The following ZNF516 variants were observed in gnomAD, a reference collection of about 807,000 sequenced individuals.
ZNF516 encodes the protein zinc finger protein 516.
Under a neutral mutation model 79.7 loss-of-function variants are expected in ZNF516, and 19 were observed. That is an observed-to-expected ratio of 0.24 (90% CI 0.17 to 0.35). ZNF516 has a LOEUF of 0.35. Ranked by LOEUF, ZNF516 falls within the 10% of genes least tolerant of loss-of-function variation. The pLI, the probability that ZNF516 is intolerant of heterozygous loss-of-function variation, is 1.00. For missense variants in ZNF516, 1,678 were observed against 1,679.5 expected, an observed-to-expected ratio of 1.00 and a Z score of 0.02; for synonymous variants, 877 against 739.5, an observed-to-expected ratio of 1.19 and a Z score of -3.02.
Position 76,359,954 on chromosome 18 carries a change from C to T in ZNF516, c.*2544G>A, listed in dbSNP as rs1162308481. The T allele has an allele frequency of 1.3e-5, 2 of 152,216 alleles. No homozygotes were observed. Among genetic ancestry groups the T allele is most frequent in the Non-Finnish European group, 2.9e-5 (2 of 68,046 alleles). The allele number at this position is 152,216 out of a possible 1,614,324, so 9.4% of individuals were successfully genotyped here. On this transcript the variant is annotated 3_prime_UTR_variant, in exon 7 of 7. Coordinates refer to ENST00000443185, the MANE Select transcript of ZNF516 (RefSeq NM_014643.4). The stretch of plus-strand genomic sequence containing the variant: ...CTGACGATGGGTGGAAGGAAGGGAC[C>T]ACACATCCAGGCCTGCCCACAGCTG...
At chr18:76,457,169 A>C (rs147369886) in intron 2 of ZNF516, among the ~76,000 whole-genome samples, 2 of 152,260 alleles carry the variant, frequency 1.3e-5, no homozygotes, top group East Asian at 3.9e-4. Context: ...TGTGGCAAAG[A>C]AAATGATCTA....
chr18:76,456,351 G>A (rs1308187503), intron 2 of ZNF516, among the ~76,000 whole-genome samples: 24 of 152,318 alleles, frequency 1.6e-4, no homozygotes. Context: ...TGGAGACCTT[G>A]CTCAACTAAA....
At chr18:76,367,538 C>T (rs954935543) in intron 6 of ZNF516, among the ~76,000 whole-genome samples, 1 of 152,180 alleles carries the variant, frequency 6.6e-6, no homozygotes, top group East Asian at 1.9e-4. Context: ...CGTGAGCTGA[C>T]CCCCACCCAG....
At chr18:76,437,441 A>T (rs1327862411) in intron 3 of ZNF516, among the ~76,000 whole-genome samples, 1 of 100,734 alleles carries the variant, frequency 9.9e-6, no homozygotes, top group East Asian at 2.7e-4. Flanking sequence ...TCCCTTGACC[A>T]TATTTTTTTT....
At chr18:76,457,968 A>G (rs1023457861) in intron 2 of ZNF516, among the ~76,000 whole-genome samples, 7 of 152,202 alleles carry the variant, frequency 4.6e-5, no homozygotes, top group African/African-American at 1.7e-4. Context: ...TCTCACCTTC[A>G]AGGCCCAATG....
At chr18:76,399,437 AT>A (rs2075188879) in intron 3 of ZNF516, among the ~76,000 whole-genome samples, 1 of 152,242 alleles carries the variant, frequency 6.6e-6, no homozygotes, top group South Asian at 2.1e-4. Flanking sequence ...GTCCATGAAC[AT>A]TACATGTGGG....
Position 76,361,019 on chromosome 18 carries a change from A to G in ZNF516, c.*1479T>C, listed in dbSNP as rs776024626. The G allele has an allele frequency of 6.6e-6, 1 of 151,952 alleles. No homozygotes were observed. The highest frequency in any genetic ancestry group is 1.5e-5 in the Non-Finnish European group (1 of 67,972). 9.4% of individuals were successfully genotyped at this position (151,952 alleles called of 1,614,324 possible). Reference sequence around the variant, plus strand: ...TTAAAGGTTAGGATAATTTCTGTACATGTAAAATTATTGCTTTTTTGAAAA... The same window carrying G: ...TTAAAGGTTAGGATAATTTCTGTACGTGTAAAATTATTGCTTTTTTGAAAA... On this transcript the variant is annotated 3_prime_UTR_variant, in exon 7 of 7. Transcript: ENST00000443185.
At position 76,362,039 on chromosome 18, in the gene ZNF516, GACATCATCCCCACAGTCCCTCTTA is replaced by G. The variant is rs1398579735; in HGVS notation, c.*435_*458del. The G allele has an allele frequency of 1.9e-5, 3 of 155,170 alleles. No individual in the cohort carries two copies. Among genetic ancestry groups the G allele is most frequent in the Admixed American group, 1.3e-4 (2 of 15,654 alleles). 9.6% of individuals were successfully genotyped at this position (155,170 alleles called of 1,614,324 possible). A position where few individuals can be genotyped will look rare whatever the true frequency, so the allele number is the denominator to read the frequency against. On this transcript the variant is annotated 3_prime_UTR_variant, in exon 7 of 7. Transcript: ENST00000443185. ...CCTCAAATCCACCACGTCTTGTTCTGACATCATCCCCACAGTCCCTCTTAACATGGGAGGCCCCTGTGACAGTGC... is the reference window on the plus strand; with the variant it reads ...CCTCAAATCCACCACGTCTTGTTCTGACATGGGAGGCCCCTGTGACAGTGC...
At chr18:76,408,861 G>C (rs1348113622) in intron 3 of ZNF516, among the ~76,000 whole-genome samples, 1 of 152,220 alleles carries the variant, frequency 6.6e-6, no homozygotes, top group African/African-American at 2.4e-5. Context: ...CTGACACTGT[G>C]AAGTGAAGCT....
rs373540251 is a variant in ZNF516 at position 76,360,646 on chromosome 18, A to AAATATATATAT, written c.*1851_*1852insATATATATATT. ...AAAAAAATAAGTAAAAAAAAAAAAA[A>AAATATATATAT]ATATATATATATATATATATATATA... On this transcript the variant is annotated 3_prime_UTR_variant, in exon 7 of 7. Transcript: ENST00000443185. 9 of 72,464 alleles carry AAATATATATAT rather than the reference A, an allele frequency of 1.2e-4. No homozygotes were observed. The highest frequency in any genetic ancestry group is 3.7e-4 in the African/African-American group (6 of 16,376). The allele number at this position is 72,464 out of a possible 1,614,324, so 4.5% of individuals were successfully genotyped here.
intron 2 of ZNF516, among the ~76,000 whole-genome samples, chr18:76,454,608 A>G (rs1204182775): frequency 6.6e-6 from 1 of 152,234 alleles, no homozygotes; most frequent in East Asian, 1.9e-4. Flanking sequence ...GATCTATCAG[A>G]GAATGTTTAC....
At chr18:76,453,778 T>G (rs1247275704) in intron 2 of ZNF516, among the ~76,000 whole-genome samples, 1 of 152,224 alleles carries the variant, frequency 6.6e-6, no homozygotes, top group East Asian at 1.9e-4. Flanking sequence ...ATTTTTTAAC[T>G]GGGTGACACT....
intron 3 of ZNF516, among the ~76,000 whole-genome samples, chr18:76,432,919 G>A (rs887367679): frequency 6.6e-5 from 10 of 152,192 alleles, no homozygotes; most frequent in South Asian, 2.1e-4. Context: ...GCTCTAACAC[G>A]AGGCGTGTAG....
At chr18:76,428,169 T>A (rs1033455909) in intron 3 of ZNF516, among the ~76,000 whole-genome samples, 14 of 152,080 alleles carry the variant, frequency 9.2e-5, no homozygotes, top group African/African-American at 3.4e-4. Flanking sequence ...GGGGATCACC[T>A]GAGGTCAGGA....
At chr18:76,436,505 T>C (rs915002577) in intron 3 of ZNF516, among the ~76,000 whole-genome samples, 4 of 152,156 alleles carry the variant, frequency 2.6e-5, no homozygotes, top group Non-Finnish European at 4.4e-5. Flanking sequence ...AGAGAGAGCT[T>C]TGCCCGTGTT....
intron 1 of ZNF516, chr18:76,488,220 G>A (rs1375279882): frequency 1.0e-6 from 1 of 985,270 alleles, no homozygotes; most frequent in African/African-American, 1.7e-5. Context: ...CCCAACAACA[G>A]AGTAGGGGCC....
upstream of ZNF516, chr18:76,495,403 G>A (rs1218905670): frequency 6.8e-6 from 1 of 147,674 alleles, no homozygotes; most frequent in Non-Finnish European, 1.5e-5. Flanking sequence ...TGCGCGGCAC[G>A]GGGAGGGGGC....
intron 1 of ZNF516, among the ~76,000 whole-genome samples, chr18:76,464,768 A>AC (rs1187534004): frequency 4.6e-5 from 7 of 151,086 alleles, no homozygotes; most frequent in Admixed American, 1.3e-4. Flanking sequence ...CCTCTCTGGC[A>AC]CCCCAGCCTG....
At chr18:76,423,541 TC>T (rs1224177300) in intron 3 of ZNF516, among the ~76,000 whole-genome samples, 1 of 63,610 alleles carries the variant, frequency 1.6e-5, no homozygotes, top group African/African-American at 6.3e-5. Context: ...TGAAAAGGCT[TC>T]CCCGAAACAC....
Sources: gnomAD v4.1 joint callset for allele counts (sites outside exome capture counted in the v4.1 genomes callset) on GRCh38, gnomAD v4.1.1 for gene constraint, MANE v1.5 for transcripts, NCBI Gene and HGNC (gene_info 2026-07-23, HGNC 2026-07-21) for gene names.